SLCO3A1: variants seen among roughly 807,000 people sequenced by gnomAD.
The protein encoded by SLCO3A1 is solute carrier organic anion transporter family member 3A1.
Under a neutral mutation model 63.1 loss-of-function variants are expected in SLCO3A1, and 27 were observed. The ratio of observed to expected loss-of-function variants is 0.43; its 90% CI spans 0.32 to 0.59. SLCO3A1 has a LOEUF of 0.59. SLCO3A1 is among the 20% of genes least tolerant of loss of function. The pLI, the probability that SLCO3A1 is intolerant of heterozygous loss-of-function variation, is 0.09. For synonymous variants in SLCO3A1, 473 were observed against 409.9 expected, an observed-to-expected ratio of 1.15 and a Z score of -1.86; for missense variants, 773 against 945.8, an observed-to-expected ratio of 0.82 and a Z score of 2.40.
At chr15:91,939,519 G>T (rs1443764830) in intron 2 of SLCO3A1, among the ~76,000 whole-genome samples, 1 of 152,106 alleles carries the variant, frequency 6.6e-6, no homozygotes, top group Admixed American at 6.5e-5. Context: ...CCCATGGTTC[G>T]CTGGCTGCAG....
intron 1 of SLCO3A1, among the ~76,000 whole-genome samples, chr15:91,907,411 G>A (rs1364108328): frequency 3.3e-5 from 5 of 151,930 alleles, no homozygotes; most frequent in Admixed American, 6.6e-5. Context: ...TCACCATGTT[G>A]TCCAGGCTGG....
At chr15:92,075,466 G>C (rs2047265831) in intron 2 of SLCO3A1, among the ~76,000 whole-genome samples, 1 of 152,226 alleles carries the variant, frequency 6.6e-6, no homozygotes, top group East Asian at 1.9e-4. Flanking sequence ...TGCCACGGAG[G>C]TTGCATGGGC....
At chr15:91,855,730 C>G (rs183251968) in intron 1 of SLCO3A1, among the ~76,000 whole-genome samples, 108 of 152,160 alleles carry the variant, frequency 7.1e-4, no homozygotes, top group African/African-American at 2.0e-3. Flanking sequence ...TACAGAGATG[C>G]AAATTCACAT....
At chr15:92,053,696 G>T (rs12440498) in intron 2 of SLCO3A1, among the ~76,000 whole-genome samples, 5,320 of 22,368 alleles carry the variant, frequency 0.24, 327 homozygotes, top group African/African-American at 0.32. Flanking sequence ...TTGTTTGTTT[G>T]TTTTTTTTTT....
chr15:92,018,777 C>T (rs552315594), intron 2 of SLCO3A1, among the ~76,000 whole-genome samples: 1 of 152,050 alleles, frequency 6.6e-6, no homozygotes, highest in East Asian at 1.9e-4. Flanking sequence ...GCAGGGATGT[C>T]CCCCAGTGTG....
intron 2 of SLCO3A1, among the ~76,000 whole-genome samples, chr15:92,032,481 G>A (rs12591167): frequency 0.46 from 70,668 of 152,014 alleles, 17,572 homozygotes; most frequent in African/African-American, 0.62. Flanking sequence ...TTACCATAGA[G>A]TCAGTGCAGG....
intron 2 of SLCO3A1, among the ~76,000 whole-genome samples, chr15:91,925,985 T>C (rs1284598557): frequency 1.3e-5 from 2 of 152,234 alleles, no homozygotes; most frequent in African/African-American, 4.8e-5. Context: ...TCTGGATTGC[T>C]TCCCTCTTGA....
chr15:92,052,321 TA>T, intron 2 of SLCO3A1, among the ~76,000 whole-genome samples: 1 of 152,256 alleles, frequency 6.6e-6, no homozygotes, highest in Non-Finnish European at 1.5e-5. Flanking sequence ...GGGTGAGCAA[TA>T]CCTACCTGGA....
At chr15:92,016,254 T>TAGATAGATTAGATAGATAGATAGA in intron 2 of SLCO3A1, among the ~76,000 whole-genome samples, 1,380 of 95,222 alleles carry the variant, frequency 0.014, 8 homozygotes, top group East Asian at 0.042. Context: ...GATAGATAGA[T>TAGATAGATTAGATAGATAGATAGA]TAGATAGATA....
intron 2 of SLCO3A1, among the ~76,000 whole-genome samples, chr15:92,055,568 G>A (rs566783298): frequency 1.8e-4 from 27 of 152,028 alleles, no homozygotes; most frequent in Middle Eastern, 3.4e-3. Flanking sequence ...ATTCCACGTC[G>A]TGGTTGCATC....
chr15:91,856,223 G>A lies in SLCO3A1; in HGVS notation c.180+2135G>A, dbSNP rs1234885893. ...CTGATGGAAAGCCTGGTTGGGTGGG[G>A]TAGGGTAACAGGAGTCAACAGGTGA... On this transcript the variant is annotated intron_variant, in intron 1 of 9. Coordinates refer to ENST00000318445, the MANE Select transcript of SLCO3A1 (RefSeq NM_013272.4). The surrounding 1 kb of genome is among the most constrained non-coding windows in gnomAD (Gnocchi z 4.9). Among the ~76,000 whole-genome samples the A allele has an allele frequency of 6.6e-6, 1 of 152,040 alleles. No individual in the cohort carries two copies.
At chr15:92,128,732 A>G (rs911265305) in intron 7 of SLCO3A1, among the ~76,000 whole-genome samples, 1 of 152,218 alleles carries the variant, frequency 6.6e-6, no homozygotes, top group African/African-American at 2.4e-5. Flanking sequence ...AGCTGTATAT[A>G]TGGAACCAAA....
At chr15:91,861,248 G>A (rs1438933312) in intron 1 of SLCO3A1, among the ~76,000 whole-genome samples, 1 of 152,244 alleles carries the variant, frequency 6.6e-6, no homozygotes, top group Middle Eastern at 3.2e-3. Flanking sequence ...TGCAGCCACA[G>A]GTGTGGAGTG....
intron 2 of SLCO3A1, among the ~76,000 whole-genome samples, chr15:92,079,034 A>G (rs547950993): frequency 1.3e-5 from 2 of 152,316 alleles, no homozygotes; most frequent in South Asian, 4.1e-4. Context: ...GCCCTTTGCT[A>G]GGCACGGTGA....
chr15:92,040,233 G>A (rs536331915), intron 2 of SLCO3A1, among the ~76,000 whole-genome samples: 6 of 152,162 alleles, frequency 3.9e-5, no homozygotes, highest in Admixed American at 2.0e-4. Flanking sequence ...AATAAAGGGC[G>A]CATGCAATTT....
chr15:92,147,965 C>G (rs563625761), intron 8 of SLCO3A1, among the ~76,000 whole-genome samples: 14 of 152,316 alleles, frequency 9.2e-5, no homozygotes, highest in Non-Finnish European at 1.8e-4. Context: ...GCCTGTAATC[C>G]CAGCACTTTG....
chr15:91,877,513 T>C (rs1429170381), intron 1 of SLCO3A1, among the ~76,000 whole-genome samples: 1 of 152,212 alleles, frequency 6.6e-6, no homozygotes, highest in Non-Finnish European at 1.5e-5. Context: ...GGTTTGATAT[T>C]CTTCAGAGAG....
At chr15:92,019,014 CTA>C (rs1160353638) in intron 2 of SLCO3A1, among the ~76,000 whole-genome samples, 7 of 152,158 alleles carry the variant, frequency 4.6e-5, no homozygotes, top group Admixed American at 2.0e-4. Context: ...GCTGTGAACT[CTA>C]TGTCTTAACT....
intron 6 of SLCO3A1, 142 bp downstream of exon 6, chr15:92,126,401 G>A (rs1272719280): frequency 7.5e-6 from 5 of 664,996 alleles, no homozygotes; most frequent in South Asian, 1.8e-5. Context: ...TACTGTCCAC[G>A]TTGGAGAATC....
Sources: gnomAD v4.1 joint callset for allele counts (sites outside exome capture counted in the v4.1 genomes callset) on GRCh38, gnomAD v4.1.1 for gene constraint, Gnocchi (gnomAD v3.1) non-coding constraint, MANE v1.5 for transcripts, NCBI Gene and HGNC (gene_info 2026-07-23, HGNC 2026-07-21) for gene names.